Variants in RPH3AL observed in about 807,000 individuals in gnomAD.
RPH3AL encodes the protein rabphilin 3A like (without C2 domains).
Under a neutral mutation model 43.1 loss-of-function variants are expected in RPH3AL, and 38 were observed. That is an observed-to-expected ratio of 0.88 (90% confidence interval 0.68 to 1.15). RPH3AL has a LOEUF of 1.15. RPH3AL is among the 50% of genes most tolerant of loss of function. RPH3AL has a pLI of 0.00. For missense variants in RPH3AL, 462 were observed against 423.2 expected (o/e 1.09, Z -0.81); for synonymous variants, 189 against 176.3 (o/e 1.07, Z -0.57).
At chr17:297,374 T>C (rs944724729) in intron 5 of RPH3AL, among the ~76,000 whole-genome samples, 1 of 152,216 alleles carries the variant, frequency 6.6e-6, no homozygotes, top group Non-Finnish European at 1.5e-5. Flanking sequence ...GTATGGGTTG[T>C]GGGAACCCCG....
intron 5 of RPH3AL, among the ~76,000 whole-genome samples, chr17:295,083 G>T (rs1326876560): frequency 7.3e-6 from 1 of 137,638 alleles, no homozygotes; most frequent in Non-Finnish European, 1.5e-5. Flanking sequence ...GTGTGGGAAG[G>T]ACAGAGGAGC....
chr17:314,203 A>C (rs58794169), intron 5 of RPH3AL, among the ~76,000 whole-genome samples: 37,525 of 152,054 alleles, frequency 0.25, 6,628 homozygotes, highest in African/African-American at 0.5. Flanking sequence ...GTGGGCCAGG[A>C]TCTGTGCCTC....
At chr17:251,789 C>T (rs917828510) in intron 6 of RPH3AL, among the ~76,000 whole-genome samples, 4 of 152,188 alleles carry the variant, frequency 2.6e-5, no homozygotes, top group Non-Finnish European at 2.9e-5. Context: ...CTCTGATGAG[C>T]GAAAGCTCTG....
chr17:259,231 T>C (rs1555545494), intron 6 of RPH3AL, among the ~76,000 whole-genome samples: 1 of 152,160 alleles, frequency 6.6e-6, no homozygotes, highest in African/African-American at 2.4e-5. Flanking sequence ...AGTCCCAGCA[T>C]CAGGGGACCA....
intron 4 of RPH3AL, among the ~76,000 whole-genome samples, chr17:320,852 A>G (rs1490584738): frequency 2.0e-5 from 3 of 152,248 alleles, no homozygotes; most frequent in Admixed American, 1.3e-4. Flanking sequence ...GGCGGAGGCC[A>G]GGAGAGGCAC....
chr17:311,841 C>T (rs972362104), intron 5 of RPH3AL, among the ~76,000 whole-genome samples: 33 of 152,158 alleles, frequency 2.2e-4, no homozygotes, highest in East Asian at 1.9e-3. Flanking sequence ...AGAATTCCAA[C>T]GAGGAGAATG....
At chr17:269,025 C>T (rs1273808330) in intron 6 of RPH3AL, among the ~76,000 whole-genome samples, 3 of 152,118 alleles carry the variant, frequency 2.0e-5, no homozygotes, top group Non-Finnish European at 4.4e-5. Flanking sequence ...ACTACAGGCG[C>T]CCGCCACCAC....
intron 2 of RPH3AL, among the ~76,000 whole-genome samples, chr17:329,892 C>A (rs373170820): frequency 3.3e-5 from 5 of 152,186 alleles, no homozygotes; most frequent in African/African-American, 1.2e-4. Flanking sequence ...TGATATTGCA[C>A]CCAAACTCAA....
intron 7 of RPH3AL, among the ~76,000 whole-genome samples, chr17:239,002 G>A (rs2041466303): frequency 6.6e-6 from 1 of 152,206 alleles, no homozygotes; most frequent in African/African-American, 2.4e-5. Flanking sequence ...CAGGTGGAGG[G>A]GGAGAGACAT....
chr17:220,286 G>T (rs1555530613), intron 7 of RPH3AL, among the ~76,000 whole-genome samples: 4 of 134,410 alleles, frequency 3.0e-5, no homozygotes, highest in Non-Finnish European at 5.1e-5. Flanking sequence ...CAGCTCTGAG[G>T]GCTCCACTCA....
chr17:314,577 G>GTCTCTGTGCTCCACCTCCATTGACCT (rs1567507489), intron 5 of RPH3AL, among the ~76,000 whole-genome samples: 2 of 4,500 alleles, frequency 4.4e-4, no homozygotes, highest in Non-Finnish European at 1.1e-3. Context: ...TCCACTGACA[G>GTCTCTGTGCTCCACCTCCATTGACCT]GCAGTCTCTG....
chr17:260,731 G>A (rs78747300), intron 6 of RPH3AL, among the ~76,000 whole-genome samples: 16,832 of 151,988 alleles, frequency 0.11, 1,169 homozygotes, highest in Non-Finnish European at 0.14. Context: ...GGTCTCCCAG[G>A]AACCCTAAGA....
intron 7 of RPH3AL, among the ~76,000 whole-genome samples, chr17:244,210 A>ACCTTCCTCTATTGATTAC (rs71143488): frequency 0.41 from 51,790 of 125,726 alleles, 11,918 homozygotes; most frequent in East Asian, 0.6. Context: ...TCTATTGATC[A>ACCTTCCTCTATTGATTAC]CCTTCCTCTA....
At chr17:312,226 A>G (rs1344630887) in intron 5 of RPH3AL, among the ~76,000 whole-genome samples, 1 of 152,094 alleles carries the variant, frequency 6.6e-6, no homozygotes, top group Non-Finnish European at 1.5e-5. Flanking sequence ...GCAGGACCCC[A>G]GGAGTTGAAG....
intron 6 of RPH3AL, among the ~76,000 whole-genome samples, chr17:272,462 G>A (rs1162243373): frequency 2.0e-5 from 3 of 151,716 alleles, no homozygotes; most frequent in Non-Finnish European, 2.9e-5. Context: ...GTAGGGACAT[G>A]GATGAAGCTG....
Position 299,983 on chromosome 17 carries a change from G to A in RPH3AL, c.352-18129C>T, listed in dbSNP as rs150271276. On this transcript the variant is annotated intron_variant, in intron 5 of 9. Coordinates refer to ENST00000331302, the MANE Select transcript of RPH3AL (RefSeq NM_006987.4). ...CCTAGGCCCGCAGAATCTCTCACCC[G>A]CTCTAGCAGGGGCTGGCCCAGCCTA... Among the ~76,000 whole-genome samples, 197 of 148,880 alleles carry A rather than the reference G, an allele frequency of 1.3e-3. 2 individuals carry two copies. The highest frequency in any genetic ancestry group is 4.1e-3 in the African/African-American group (166 of 40,038).
At chr17:213,989 G>A (rs545793277) in intron 9 of RPH3AL, 66 bp from the exon 10 acceptor site, 87 of 1,269,682 alleles carry the variant, frequency 6.9e-5, no homozygotes, top group Non-Finnish European at 9.3e-5. Flanking sequence ...CCCGGTGACA[G>A]CTCGGCCTTT....
At chr17:281,745 C>T in intron 6 of RPH3AL, 23 bp downstream of exon 6, 1 of 1,601,320 alleles carries the variant, frequency 6.2e-7, no homozygotes, top group Non-Finnish European at 8.6e-7. Context: ...CAGCCCTCCC[C>T]ACCGTCACCC....
intron 6 of RPH3AL, among the ~76,000 whole-genome samples, chr17:249,445 G>C (rs192011732): frequency 2.0e-4 from 31 of 152,220 alleles, no homozygotes; most frequent in Non-Finnish European, 3.5e-4. Flanking sequence ...TCAAGGGCCA[G>C]TGCCAGGCAC....
Sources: allele counts gnomAD v4.1 joint callset (sites outside exome capture counted in the v4.1 genomes callset), GRCh38; gene constraint gnomAD v4.1.1; transcripts MANE v1.5; gene names NCBI Gene and HGNC (gene_info 2026-07-23, HGNC 2026-07-21).